Variants in VPS35L observed in about 807,000 individuals in gnomAD.
The protein encoded by VPS35L is VPS35 endosomal protein sorting factor like, also known as VPS35 endosomal protein-sorting factor-like.
Under a neutral mutation model 133.0 loss-of-function variants are expected in VPS35L, and 83 were observed. The ratio of observed to expected loss-of-function variants is 0.62; its 90% confidence interval spans 0.52 to 0.75. The LOEUF is 0.75. VPS35L is among the 30% of genes least tolerant of loss of function. VPS35L has a pLI of 0.00. For synonymous variants in VPS35L, 423 were observed against 449.9 expected (o/e 0.94, Z 0.76); for missense variants, 1,083 against 1,206.8 (o/e 0.90, Z 1.52).
At chr16:19,617,594 A>G (rs933454806) in intron 14 of VPS35L, 2 of 151,892 alleles carry the variant, frequency 1.3e-5, no homozygotes, top group Non-Finnish European at 2.9e-5. Context: ...TTGCCAGTTG[A>G]AGTATTGTCA....
At chr16:19,561,052 T>C (rs1264644764) in intron 1 of VPS35L, among the ~76,000 whole-genome samples, 1 of 151,932 alleles carries the variant, frequency 6.6e-6, no homozygotes, top group Non-Finnish European at 1.5e-5. Flanking sequence ...CAAATTATCG[T>C]GAAAGGGATT....
intron 7 of VPS35L, among the ~76,000 whole-genome samples, chr16:19,585,086 T>G (rs905461596): frequency 6.6e-6 from 1 of 152,208 alleles, no homozygotes; most frequent in Non-Finnish European, 1.5e-5. Flanking sequence ...GTTCGTTCCT[T>G]TTTACTGCTG....
Position 19,581,476 on chromosome 16 carries a change from G to A in VPS35L, c.511-49G>A, listed in dbSNP as rs551041167. The A allele has an allele frequency of 2.1e-5, 32 of 1,494,118 alleles. No homozygotes were observed. In the South Asian group the frequency reaches 3.3e-4, roughly 16 times the overall value. 92.6% of individuals were successfully genotyped at this position (1,494,118 alleles called of 1,614,324 possible). On this transcript the variant is annotated intron_variant, in intron 6 of 30. Transcript: ENST00000417362. ...TAGTATTCTTTATAAGGGTGTAGTC[G>A]AGCAATGTTTTTCCTGCTATGCCTT... is the stretch of plus-strand genomic sequence containing the variant.
chr16:19,576,405 C>G (rs948693723), intron 5 of VPS35L, among the ~76,000 whole-genome samples: 5 of 152,130 alleles, frequency 3.3e-5, no homozygotes, highest in Non-Finnish European at 5.9e-5. Context: ...TCTCAGCTTC[C>G]TCTCCTAAGA....
chr16:19,632,280 A>G (rs556897817), intron 18 of VPS35L, among the ~76,000 whole-genome samples: 1 of 152,304 alleles, frequency 6.6e-6, no homozygotes, highest in African/African-American at 2.4e-5. Flanking sequence ...TAATTATTTA[A>G]TATCATCAGT....
At chr16:19,696,930 C>G (rs1441922972) in intron 29 of VPS35L, among the ~76,000 whole-genome samples, 1 of 152,192 alleles carries the variant, frequency 6.6e-6, no homozygotes, top group Non-Finnish European at 1.5e-5. Context: ...CTTGTAGATT[C>G]AGGCAGAAAG....
intron 7 of VPS35L, among the ~76,000 whole-genome samples, chr16:19,585,734 C>T (rs1971844635): frequency 6.6e-6 from 1 of 151,938 alleles, no homozygotes; most frequent in Non-Finnish European, 1.5e-5. Flanking sequence ...CTCCTACTAT[C>T]CTAGTGGGTT....
chr16:19,668,591 A>AGTGTGTGTGTGT (rs35546511), intron 26 of VPS35L, among the ~76,000 whole-genome samples: 13,063 of 147,376 alleles, frequency 0.089, 791 homozygotes, highest in African/African-American at 0.15. Flanking sequence ...CTTTAAGCTG[A>AGTGTGTGTGTGT]GTGTGTGTGT....
intron 6 of VPS35L, among the ~76,000 whole-genome samples, chr16:19,581,184 T>C (rs1971697931): frequency 6.6e-6 from 1 of 152,144 alleles, no homozygotes; most frequent in Non-Finnish European, 1.5e-5. Context: ...CACAGTTGGT[T>C]GAATGAGGTA....
At chr16:19,594,672 GA>G (rs1238257037) in intron 8 of VPS35L, among the ~76,000 whole-genome samples, 10 of 70,352 alleles carry the variant, frequency 1.4e-4, no homozygotes, top group South Asian at 4.5e-4. Flanking sequence ...AAAAAAAAAA[GA>G]AGAGAAAAAA....
chr16:19,620,478 C>T (rs2151557593), intron 14 of VPS35L, among the ~76,000 whole-genome samples: 1 of 151,962 alleles, frequency 6.6e-6, no homozygotes, highest in South Asian at 2.1e-4. Context: ...GGACTTCTCT[C>T]TACTGTTTTT....
intron 12 of VPS35L, among the ~76,000 whole-genome samples, chr16:19,612,377 C>T (rs762929801): frequency 6.6e-5 from 10 of 152,152 alleles, no homozygotes; most frequent in Admixed American, 2.0e-4. Flanking sequence ...TCTCAGCCTC[C>T]GGAGTAGCTG....
intron 28 of VPS35L, among the ~76,000 whole-genome samples, chr16:19,688,284 T>C (rs938884972): frequency 6.6e-6 from 1 of 152,114 alleles, no homozygotes; most frequent in Admixed American, 6.5e-5. Context: ...CTCATAAATA[T>C]TGTCTCTTTT....
At chr16:19,577,026 A>G (rs1038577227) in intron 5 of VPS35L, among the ~76,000 whole-genome samples, 1 of 152,162 alleles carries the variant, frequency 6.6e-6, no homozygotes, top group Non-Finnish European at 1.5e-5. Context: ...CAGAATTTTG[A>G]TCCCAGACCA....
rs938489146 is a variant in VPS35L, at chr16:19,569,446, A to C, written c.140A>C (p.Lys47Thr). 6.3e-7 allele frequency: 1 copy of C among 1,597,882 alleles called. No individual in the cohort carries two copies. The highest frequency in any genetic ancestry group is 8.5e-7 in the Non-Finnish European group (1 of 1,173,040). ...PITVTESKTK[K>T]VNRKGSTSST... is the part of the protein sequence containing the mutation. ...CAGGTCACAGAGTCAAAGACAAAGAAAGTGAACCGGAAAGGAAGCACTTCT... is the reference window on the plus strand; with the variant it reads ...CAGGTCACAGAGTCAAAGACAAAGACAGTGAACCGGAAAGGAAGCACTTCT... The change falls in exon 3 of 31, where the codon AAA becomes ACA. Residue 47 changes from lysine (K) to threonine (T), a missense_variant. Coordinates refer to ENST00000417362, the MANE Select transcript of VPS35L (RefSeq NM_020314.7).
chr16:19,650,300 T>C, intron 24 of VPS35L, 82 bp from the exon 25 acceptor site: 1 of 1,137,346 alleles, frequency 8.8e-7, no homozygotes, highest in Non-Finnish European at 1.3e-6. Context: ...CTGTATGTAG[T>C]TAATGTTGAG....
intron 26 of VPS35L, among the ~76,000 whole-genome samples, chr16:19,668,673 G>A (rs1158409525): frequency 6.6e-6 from 1 of 151,748 alleles, no homozygotes; most frequent in Admixed American, 6.6e-5. Context: ...GTGTGCACTA[G>A]AATAGATTCA....
At chr16:19,587,457 C>A in intron 7 of VPS35L, 1 of 357,622 alleles carries the variant, frequency 2.8e-6, no homozygotes, top group Non-Finnish European at 5.5e-6. Flanking sequence ...TGGAGAAACC[C>A]TGTCTCTACT....
chr16:19,699,665 G>GC lies in VPS35L; in HGVS notation c.2793+21dup. Reference sequence around the variant, plus strand: ...AGGACCATGGTGAGGCGCTCGGAGGGCCCCGTGGTATAAGCCCACTGGCCA... The same window carrying GC: ...AGGACCATGGTGAGGCGCTCGGAGGGCCCCCGTGGTATAAGCCCACTGGCCA... On this transcript the variant is annotated intron_variant, in intron 30 of 30. Transcript: ENST00000417362. This position sits in a 1 kb window ranked among gnomAD's most constrained non-coding sequence, Gnocchi z 4.2. The GC allele has an allele frequency of 6.2e-7, 1 of 1,611,428 alleles. No homozygotes were observed. The highest frequency in any genetic ancestry group is 1.3e-5 in the African/African-American group (1 of 74,916).
Sources: allele counts gnomAD v4.1 joint callset (sites outside exome capture counted in the v4.1 genomes callset), GRCh38; gene constraint gnomAD v4.1.1; non-coding constraint Gnocchi (gnomAD v3.1); transcripts MANE v1.5; gene names NCBI Gene and HGNC (gene_info 2026-07-23, HGNC 2026-07-21).